The following CSMD1 variants were observed in gnomAD, a reference collection of about 807,000 sequenced individuals.
CSMD1 encodes the protein CUB and sushi domain-containing protein 1.
In CSMD1, 213 loss-of-function variants were observed where a neutral mutation model predicts 417.5. That is an observed-to-expected ratio of 0.51 (90% CI 0.46 to 0.57). The LOEUF (loss-of-function observed/expected upper bound fraction) is 0.57. Among genes scored for constraint, CSMD1 ranks in the 20% least tolerant of loss-of-function variants. The pLI is 0.00. For synonymous variants in CSMD1, 2,862 were observed against 1,736.8 expected (o/e 1.65, Z -16.11); for missense variants, 6,923 against 4,529.7 (o/e 1.53, Z -15.17).
chr8:3,427,551 G>A (rs1264846485), intron 12 of CSMD1, among the ~76,000 whole-genome samples: 1 of 152,076 alleles, frequency 6.6e-6, no homozygotes, highest in African/African-American at 2.4e-5. Context: ...CAATATAGGT[G>A]TATGGAAATA....
chr8:3,617,744 A>G (rs565019850), intron 7 of CSMD1, among the ~76,000 whole-genome samples: 3 of 152,344 alleles, frequency 2.0e-5, no homozygotes, highest in African/African-American at 7.2e-5. Flanking sequence ...GTTAAGGCAG[A>G]AAATCAACCA....
rs138694903 is a variant in CSMD1 at position 3,895,458 on chromosome 8, A to G, written c.818+102445T>C. 4.7e-3 allele frequency among the ~76,000 whole-genome samples: 717 copies of G among 152,242 alleles called. 7 individuals are homozygous for G. The highest frequency in any genetic ancestry group is 0.014 in the African/African-American group (596 of 41,542). The stretch of plus-strand genomic sequence containing the variant: ...TGTCAATCCACAATGTTTAAATCTT[A>G]GCAGACAAAAAAGAAAAAATCAATA... On this transcript the variant is annotated intron_variant, in intron 5 of 69. Transcript: ENST00000635120.
chr8:4,980,150 A>G (rs1394741626), intron 1 of CSMD1, among the ~76,000 whole-genome samples: 2 of 152,238 alleles, frequency 1.3e-5, no homozygotes, highest in African/African-American at 4.8e-5. Flanking sequence ...AAACCCTGTA[A>G]CACGCACACA....
At chr8:4,246,005 G>T (rs997812929) in intron 3 of CSMD1, among the ~76,000 whole-genome samples, 1 of 152,110 alleles carries the variant, frequency 6.6e-6, no homozygotes, top group Admixed American at 6.5e-5. Flanking sequence ...ATGCAACCTA[G>T]GTCAGTTATT....
intron 4 of CSMD1, among the ~76,000 whole-genome samples, chr8:4,021,019 C>A (rs560295007): frequency 6.6e-6 from 1 of 152,068 alleles, no homozygotes; most frequent in Admixed American, 6.5e-5. Flanking sequence ...ATTTATTAAA[C>A]CCTACAACGT....
At chr8:3,369,835 A>C (rs1809837190) in intron 18 of CSMD1, among the ~76,000 whole-genome samples, 1 of 152,226 alleles carries the variant, frequency 6.6e-6, no homozygotes, top group Admixed American at 6.5e-5. Flanking sequence ...ATGTCTGCAG[A>C]ATATGGGAGC....
intron 3 of CSMD1, among the ~76,000 whole-genome samples, chr8:4,301,042 A>C (rs182286748): frequency 2.0e-5 from 3 of 152,182 alleles, no homozygotes; most frequent in Non-Finnish European, 2.9e-5. Context: ...GGAAACAAAA[A>C]GAAGTCAGAA....
At chr8:3,812,391 G>C (rs1411918464) in intron 5 of CSMD1, among the ~76,000 whole-genome samples, 1 of 152,116 alleles carries the variant, frequency 6.6e-6, no homozygotes, top group African/African-American at 2.4e-5. Flanking sequence ...CTTAAATGCA[G>C]GGAAATTAAG....
At chr8:4,347,418 T>C (rs1202441519) in intron 3 of CSMD1, among the ~76,000 whole-genome samples, 3 of 152,142 alleles carry the variant, frequency 2.0e-5, no homozygotes, top group Admixed American at 1.3e-4. Flanking sequence ...TAGGTAACAT[T>C]ACTTAAATAT....
rs1015313540 is a variant in CSMD1 at position 4,402,780 on chromosome 8, T to C, written c.415+17173A>G. 6.2e-4 allele frequency among the ~76,000 whole-genome samples: 93 copies of C among 150,668 alleles called. 1 individual carries two copies. The highest frequency in any genetic ancestry group is 8.1e-4 in the Non-Finnish European group (55 of 67,834). Reference sequence around the variant, plus strand: ...TACTGAATGCCCTTGATGCTGTGAGTATAATGTCCTCACTTTTTTCTTTTT... The same window carrying C: ...TACTGAATGCCCTTGATGCTGTGAGCATAATGTCCTCACTTTTTTCTTTTT... On this transcript the variant is annotated intron_variant, in intron 3 of 69. Coordinates refer to ENST00000635120, the MANE Select transcript of CSMD1 (RefSeq NM_033225.6).
chr8:4,315,259 T>C (rs1021033337), intron 3 of CSMD1, among the ~76,000 whole-genome samples: 4 of 152,022 alleles, frequency 2.6e-5, no homozygotes, highest in Non-Finnish European at 5.9e-5. Context: ...CAGAGTGAGG[T>C]AGGGTTTATG....
chr8:3,043,730 T>G (rs67282132), intron 50 of CSMD1: 28 of 152,084 alleles, frequency 1.8e-4, no homozygotes, highest in African/African-American at 6.0e-4. Flanking sequence ...CCAGTTTATT[T>G]TCAAGTGCTC....
chr8:4,456,985 T>TTTTAA (rs71207092), intron 2 of CSMD1, among the ~76,000 whole-genome samples: 12,265 of 138,654 alleles, frequency 0.088, 803 homozygotes, highest in East Asian at 0.3. Flanking sequence ...GGTTTTTTTT[T>TTTTAA]AAAAAAAAAA....
chr8:3,611,831 T>C (rs1369049349), intron 8 of CSMD1, among the ~76,000 whole-genome samples: 6 of 152,100 alleles, frequency 3.9e-5, no homozygotes, highest in Non-Finnish European at 7.4e-5. Flanking sequence ...ATCATGCATA[T>C]ACAAAAAATT....
intron 1 of CSMD1, among the ~76,000 whole-genome samples, chr8:4,645,615 G>C (rs1436814263): frequency 6.6e-6 from 1 of 152,076 alleles, no homozygotes; most frequent in African/African-American, 2.4e-5. Flanking sequence ...ATTTTGCAAA[G>C]TAATTGTAGA....
chr8:3,620,639 A>G (rs150901860), intron 7 of CSMD1, among the ~76,000 whole-genome samples: 171 of 152,306 alleles, frequency 1.1e-3, no homozygotes, highest in African/African-American at 4.0e-3. Flanking sequence ...CATGGAAACC[A>G]TAAAGAAAGT....
In CSMD1 at chr8:3,532,506, T is replaced by G. The variant is rs79288724; in HGVS notation, c.1345-38780A>C. Among the ~76,000 whole-genome samples the G allele has an allele frequency of 2.5e-3, 380 of 152,158 alleles. 2 individuals carry two copies. Among genetic ancestry groups the G allele is most frequent in the Middle Eastern group, 6.8e-3 (2 of 294 alleles). On this transcript the variant is annotated intron_variant, in intron 10 of 69. Coordinates refer to ENST00000635120, the MANE Select transcript of CSMD1 (RefSeq NM_033225.6). ...TTACCTCTCCTCCATATCCCAACCTTCCCCTCAGATGATCAGGACTTTAGA... is the reference window on the plus strand; with the variant it reads ...TTACCTCTCCTCCATATCCCAACCTGCCCCTCAGATGATCAGGACTTTAGA...
intron 5 of CSMD1, among the ~76,000 whole-genome samples, chr8:3,829,027 TAAAAA>T (rs752944231): frequency 4.0e-5 from 6 of 151,114 alleles, no homozygotes; most frequent in African/African-American, 9.7e-5. Flanking sequence ...TCTTTTTTTT[TAAAAA>T]AATGTATTTT....
At chr8:2,982,752 G>C (rs1365652977) in intron 54 of CSMD1, among the ~76,000 whole-genome samples, 1 of 152,094 alleles carries the variant, frequency 6.6e-6, no homozygotes, top group Non-Finnish European at 1.5e-5. Flanking sequence ...CCACATCCTC[G>C]CTTCTTTCCA....
Sources: gnomAD v4.1 joint callset for allele counts (sites outside exome capture counted in the v4.1 genomes callset) on GRCh38, gnomAD v4.1.1 for gene constraint, MANE v1.5 for transcripts, NCBI Gene and HGNC (gene_info 2026-07-23, HGNC 2026-07-21) for gene names.